NEK6: variants seen among roughly 807,000 people sequenced by gnomAD.
NEK6 encodes NIMA related kinase 6, also known as serine/threonine-protein kinase Nek6.
NEK6 carries 27 observed loss-of-function variants against 43.5 expected under a neutral mutation model. That is an observed-to-expected ratio of 0.62 (90% CI 0.46 to 0.86). The LOEUF (loss-of-function observed/expected upper bound fraction) is 0.86, where lower values mean the gene tolerates loss of function less well. Ranked by LOEUF, NEK6 falls within the 40% of genes least tolerant of loss-of-function variation. The probability of loss-of-function intolerance (pLI) is 0.00; values close to 1 mark genes in which losing one functional copy is unlikely to be tolerated. For missense variants in NEK6, 318 were observed against 414.4 expected (o/e 0.77, Z 2.02); for synonymous variants, 167 against 164.1 (o/e 1.02, Z -0.14).
chr9:124,292,893 G>T, intron 1 of NEK6: 1 of 1,484,194 alleles, frequency 6.7e-7, no homozygotes, highest in Admixed American at 2.5e-5. Flanking sequence ...GGAGCAGGCT[G>T]TGGAGCTGGG....
Position 124,291,541 on chromosome 9 carries a change from G to A in NEK6, c.-29-10395G>A, listed in dbSNP as rs571620841. Among the ~76,000 whole-genome samples, 9 of 152,296 alleles carry A rather than the reference G, an allele frequency of 5.9e-5. 1 individual carries two copies. In the South Asian group the frequency reaches 1.5e-3, roughly 25 times the overall value. On this transcript the variant is annotated intron_variant, in intron 1 of 9. Coordinates refer to ENST00000320246, the MANE Select transcript of NEK6 (RefSeq NM_014397.6). ...CTTGGGAGCCTGAGGCAGGAGAATC[G>A]CTTGAACCTCGGAGGCGGAGGTTGC...
intron 1 of NEK6, among the ~76,000 whole-genome samples, chr9:124,273,954 A>G (rs1831553857): frequency 6.6e-6 from 1 of 152,102 alleles, no homozygotes; most frequent in East Asian, 1.9e-4. Context: ...TGGCCCCCCC[A>G]TTCCGTCTTG....
Position 124,317,874 on chromosome 9 carries a change from A to G in NEK6, c.295-3585A>G, listed in dbSNP as rs117444178. ...GACTTTTATTCTTTGTTGTGGCTGC[A>G]TAATATTCTATTGTATACATGTACC... On this transcript the variant is annotated intron_variant, in intron 4 of 9. Coordinates refer to ENST00000320246, the MANE Select transcript of NEK6 (RefSeq NM_014397.6). Among the ~76,000 whole-genome samples, 857 of 152,364 alleles carry G rather than the reference A, an allele frequency of 5.6e-3. 4 individuals carry two copies. Among genetic ancestry groups the G allele is most frequent in the Non-Finnish European group, 9.1e-3 (619 of 68,030 alleles).
At chr9:124,294,485 C>G (rs568825983) in intron 1 of NEK6, among the ~76,000 whole-genome samples, 1 of 141,756 alleles carries the variant, frequency 7.1e-6, no homozygotes, top group South Asian at 2.2e-4. Flanking sequence ...AAGCAAGACT[C>G]CATCTCAAAA....
At position 124,344,446 on chromosome 9, in the gene NEK6, C is replaced by G. The variant is rs564672639; in HGVS notation, c.718-3263C>G. Among the ~76,000 whole-genome samples the G allele has an allele frequency of 7.2e-5, 11 of 152,362 alleles. No individual in the cohort carries two copies. In the East Asian group the frequency reaches 2.1e-3, roughly 29 times the overall value. Reference sequence around the variant, plus strand: ...TGGGAGCCACCACAAAGCCCCGCACCTGGCCCTCGGGTGGGGCCCCAGCGG... The same window carrying G: ...TGGGAGCCACCACAAAGCCCCGCACGTGGCCCTCGGGTGGGGCCCCAGCGG... On this transcript the variant is annotated intron_variant, in intron 8 of 9. Transcript: ENST00000320246.
In NEK6 at chr9:124,334,597, G is replaced by A. The variant is rs150986778; in HGVS notation, c.623-4974G>A. On this transcript the variant is annotated intron_variant, in intron 7 of 9. Transcript: ENST00000320246. Reference sequence around the variant, plus strand: ...TGCCTTGGAGCTCCAGCAGAGGGAGGAGGTGGTGACAGAACAAAGGGACAA... The same window carrying A: ...TGCCTTGGAGCTCCAGCAGAGGGAGAAGGTGGTGACAGAACAAAGGGACAA... 4.5e-3 allele frequency among the ~76,000 whole-genome samples: 689 copies of A among 152,322 alleles called. 1 individual carries two copies. Among genetic ancestry groups the A allele is most frequent in the Non-Finnish European group, 7.0e-3 (473 of 68,034 alleles).
At chr9:124,305,214 A>G (rs1227684881) in intron 2 of NEK6, among the ~76,000 whole-genome samples, 1 of 152,198 alleles carries the variant, frequency 6.6e-6, no homozygotes, top group African/African-American at 2.4e-5. Context: ...CAAAGCAGTG[A>G]TGCTAGTTGG....
At chr9:124,342,315 G>C (rs1829673497) in intron 8 of NEK6, among the ~76,000 whole-genome samples, 1 of 152,222 alleles carries the variant, frequency 6.6e-6, no homozygotes, top group Non-Finnish European at 1.5e-5. Context: ...ATAGTGGATG[G>C]TCGGGGAGCA....
chr9:124,258,718 G>C (rs1830907905), intron 1 of NEK6, among the ~76,000 whole-genome samples: 1 of 152,328 alleles, frequency 6.6e-6, no homozygotes, highest in African/African-American at 2.4e-5. Context: ...TGGGGGTCGG[G>C]GCTGGGCCTG....
intron 3 of NEK6, among the ~76,000 whole-genome samples, chr9:124,313,699 C>A (rs1014517350): frequency 6.6e-6 from 1 of 152,058 alleles, no homozygotes. Flanking sequence ...CACCTGGGCT[C>A]TCTGTCTTGG....
At chr9:124,322,315 G>A (rs3780208) in intron 5 of NEK6, among the ~76,000 whole-genome samples, 62,282 of 151,930 alleles carry the variant, frequency 0.41, 12,970 homozygotes, top group South Asian at 0.59. Flanking sequence ...CATGCTCCAC[G>A]CCCCTACATA....
At chr9:124,270,061 C>G (rs989555230) in intron 1 of NEK6, among the ~76,000 whole-genome samples, 3 of 151,304 alleles carry the variant, frequency 2.0e-5, no homozygotes, top group Non-Finnish European at 4.4e-5. Flanking sequence ...AGTAGCCGTT[C>G]CTTCCACGCC....
chr9:124,336,438 A>C (rs1351802679), intron 7 of NEK6, among the ~76,000 whole-genome samples: 1 of 152,184 alleles, frequency 6.6e-6, no homozygotes, highest in African/African-American at 2.4e-5. Flanking sequence ...TGCTTCCTTC[A>C]TGAAATTAAA....
chr9:124,275,146 A>G lies in NEK6; in HGVS notation c.-30+17061A>G, dbSNP rs111832631. ...ACAGTGGGAATTCCACAGATAACAGAAGGAAGGATTGATGAAGGCTCTGCA... is the reference window on the plus strand; with the variant it reads ...ACAGTGGGAATTCCACAGATAACAGGAGGAAGGATTGATGAAGGCTCTGCA... On this transcript the variant is annotated intron_variant, in intron 1 of 9. Transcript: ENST00000320246. The surrounding 1 kb of genome is among the most constrained non-coding windows in gnomAD (Gnocchi z 4.4). 0.013 allele frequency among the ~76,000 whole-genome samples: 1,983 copies of G among 152,246 alleles called. 44 individuals are homozygous for G. Among genetic ancestry groups the G allele is most frequent in the African/African-American group, 0.046 (1,903 of 41,534 alleles).
Position 124,339,004 on chromosome 9 carries a change from T to A in NEK6, c.623-567T>A, listed in dbSNP as rs1211138542. ...TGGCAGAAACACCAACCCCCAGCTC[T>A]CCAGCCCCATCCTGATTTTTTTTTT... On this transcript the variant is annotated intron_variant, in intron 7 of 9. Transcript: ENST00000320246. Among the ~76,000 whole-genome samples the A allele has an allele frequency of 4.9e-5, 7 of 144,104 alleles. No homozygotes were observed. In the Admixed American group the frequency reaches 4.9e-4, roughly 10 times the overall value. 94.5% of individuals were successfully genotyped at this position (144,104 alleles called of 152,430 possible).
intron 8 of NEK6, among the ~76,000 whole-genome samples, chr9:124,340,722 G>A (rs1002673098): frequency 6.6e-6 from 1 of 152,228 alleles, no homozygotes; most frequent in African/African-American, 2.4e-5. Flanking sequence ...CTCAGCTGCT[G>A]TGGCCGGTGA....
chr9:124,265,355 C>G (rs1831191396), intron 1 of NEK6, among the ~76,000 whole-genome samples: 1 of 152,174 alleles, frequency 6.6e-6, no homozygotes, highest in Non-Finnish European at 1.5e-5. Context: ...AACCCCATCT[C>G]TACTAAAAAT....
chr9:124,287,617 G>A (rs1055068925), intron 1 of NEK6, among the ~76,000 whole-genome samples: 1 of 152,208 alleles, frequency 6.6e-6, no homozygotes, highest in African/African-American at 2.4e-5. Context: ...CTGAGGTCAG[G>A]AGTTTGAAAC....
intron 4 of NEK6, among the ~76,000 whole-genome samples, chr9:124,316,955 G>C (rs143750759): frequency 1.3e-5 from 2 of 152,202 alleles, no homozygotes; most frequent in African/African-American, 4.8e-5. Flanking sequence ...GCAGTTTTTG[G>C]GGAGTCCTCC....
Sources: gnomAD v4.1 joint callset for allele counts (sites outside exome capture counted in the v4.1 genomes callset) on GRCh38, gnomAD v4.1.1 for gene constraint, Gnocchi (gnomAD v3.1) non-coding constraint, MANE v1.5 for transcripts, NCBI Gene and HGNC (gene_info 2026-07-23, HGNC 2026-07-21) for gene names.